Variants in AGPS observed in about 807,000 individuals in gnomAD.
The protein encoded by AGPS is alkyldihydroxyacetonephosphate synthase, peroxisomal.
AGPS carries 26 observed loss-of-function variants against 90.7 expected under a neutral mutation model. That is an observed-to-expected ratio of 0.29 (90% confidence interval 0.21 to 0.40). The LOEUF is 0.40. AGPS is among the 10% of genes least tolerant of loss of function. AGPS has a pLI of 1.00. For missense variants in AGPS, 540 were observed against 816.1 expected, an observed-to-expected ratio of 0.66 and a Z score of 4.12; for synonymous variants, 294 against 285.3, an observed-to-expected ratio of 1.03 and a Z score of -0.31.
intron 17 of AGPS, among the ~76,000 whole-genome samples, chr2:177,514,694 T>G (rs1049090782): frequency 6.6e-6 from 1 of 152,176 alleles, no homozygotes; most frequent in African/African-American, 2.4e-5. Context: ...TCTTGTACTT[T>G]CCTAGTACTA....
chr2:177,426,983 G>C (rs553152755), intron 2 of AGPS, among the ~76,000 whole-genome samples: 6 of 152,198 alleles, frequency 3.9e-5, no homozygotes, highest in East Asian at 3.9e-4. Flanking sequence ...CTGTAAATCT[G>C]TCTGGTCCTG....
At chr2:177,510,928 A>G (rs1015551887) in intron 16 of AGPS, among the ~76,000 whole-genome samples, 4 of 152,164 alleles carry the variant, frequency 2.6e-5, no homozygotes, top group Non-Finnish European at 2.9e-5. Flanking sequence ...GTTTTTGTGT[A>G]TTCCTAAGTG....
At position 177,440,972 on chromosome 2, in the gene AGPS, T is replaced by A; in HGVS notation, c.645T>A (p.His215Gln). The change falls in exon 6 of 20, where the codon CAT becomes CAA. Residue 215 changes from histidine (H) to glutamine (Q), a missense_variant. Coordinates refer to ENST00000264167, the MANE Select transcript of AGPS (RefSeq NM_003659.4). ...IPDIVLWPTCHDDVVKIVNLA... is the reference protein window; with the variant it reads ...IPDIVLWPTCQDDVVKIVNLA... ...TTTCCCTTTTTTCAACAGCATGCCA[T>A]GATGATGTAGTTAAGATTGTGAATC... 1 of 1,612,182 alleles carries A rather than the reference T, an allele frequency of 6.2e-7. No homozygotes were observed. Among genetic ancestry groups the A allele is most frequent in the Non-Finnish European group, 8.5e-7 (1 of 1,178,572 alleles).
At chr2:177,461,768 A>C in intron 8 of AGPS, 125 bp from the exon 9 acceptor site, 1 of 563,328 alleles carries the variant, frequency 1.8e-6, no homozygotes, top group South Asian at 2.8e-5. Flanking sequence ...TTTTTTTGCT[A>C]TGTAGGAATT....
intron 14 of AGPS, among the ~76,000 whole-genome samples, chr2:177,505,151 G>A (rs1414413646): frequency 1.3e-5 from 2 of 152,044 alleles, no homozygotes; most frequent in East Asian, 3.9e-4. Flanking sequence ...TCAGTATTGG[G>A]GAGTTCCTAG....
chr2:177,531,795 CAT>C (rs1037185157), intron 19 of AGPS, among the ~76,000 whole-genome samples: 16 of 151,978 alleles, frequency 1.1e-4, no homozygotes, highest in African/African-American at 3.4e-4. Flanking sequence ...GAGGAGGACA[CAT>C]AGATCAGTGG....
chr2:177,519,447 C>T (rs1271958012), intron 17 of AGPS, among the ~76,000 whole-genome samples: 3 of 152,156 alleles, frequency 2.0e-5, no homozygotes, highest in Non-Finnish European at 4.4e-5. Flanking sequence ...GTTCTCTCAG[C>T]ATTCTTCAAT....
chr2:177,472,850 G>A (rs1230543247), intron 10 of AGPS, among the ~76,000 whole-genome samples: 3 of 151,602 alleles, frequency 2.0e-5, no homozygotes, highest in Admixed American at 6.6e-5. Context: ...ATACTTTTAC[G>A]TGTGTACACG....
intron 1 of AGPS, among the ~76,000 whole-genome samples, chr2:177,416,477 C>T (rs1685786723): frequency 1.3e-5 from 2 of 151,938 alleles, no homozygotes; most frequent in Admixed American, 6.5e-5. Flanking sequence ...TTTTTTTATG[C>T]AGTAAAATCA....
chr2:177,538,310 T>C lies in AGPS; in HGVS notation c.*115T>C. The stretch of plus-strand genomic sequence containing the variant: ...ATTTTGGATACATTTGTTTCTTTGG[T>C]TTAAAATAAGTTTGTTTTCATTCTG... On this transcript the variant is annotated 3_prime_UTR_variant, in exon 20 of 20. Coordinates refer to ENST00000264167, the MANE Select transcript of AGPS (RefSeq NM_003659.4). 8.5e-7 allele frequency: 1 copy of C among 1,182,832 alleles called. No homozygotes were observed. Among genetic ancestry groups the C allele is most frequent in the Non-Finnish European group, 1.2e-6 (1 of 827,448 alleles). The allele number at this position is 1,182,832 out of a possible 1,614,324, so 73.3% of individuals were successfully genotyped here.
chr2:177,431,507 T>C (rs1686243277), intron 2 of AGPS, among the ~76,000 whole-genome samples: 1 of 152,084 alleles, frequency 6.6e-6, no homozygotes, highest in Non-Finnish European at 1.5e-5. Context: ...AGCCAGAGGG[T>C]AATGCAGGAG....
intron 2 of AGPS, among the ~76,000 whole-genome samples, chr2:177,429,917 A>G (rs956640683): frequency 1.3e-5 from 2 of 152,196 alleles, no homozygotes; most frequent in African/African-American, 4.8e-5. Flanking sequence ...CTGCAGAGAC[A>G]TCGGCTGTGT....
intron 13 of AGPS, 27 bp from the exon 14 acceptor site, chr2:177,499,591 T>C: frequency 1.4e-6 from 2 of 1,402,994 alleles, no homozygotes; most frequent in Non-Finnish European, 1.0e-6. Context: ...GACTTATCTG[T>C]AATAATAAAT....
At chr2:177,475,529 G>C (rs1369749343) in intron 10 of AGPS, among the ~76,000 whole-genome samples, 2 of 152,140 alleles carry the variant, frequency 1.3e-5, no homozygotes, top group African/African-American at 4.8e-5. Context: ...AGATTTGCCT[G>C]TTCTGGAAAT....
intron 2 of AGPS, among the ~76,000 whole-genome samples, chr2:177,432,027 G>A (rs554950417): frequency 2.6e-5 from 4 of 152,258 alleles, no homozygotes; most frequent in East Asian, 1.9e-4. Context: ...CCCTCTGTTC[G>A]GGGTCCCTGA....
chr2:177,489,148 G>A (rs1004585349), intron 11 of AGPS, among the ~76,000 whole-genome samples: 7 of 148,868 alleles, frequency 4.7e-5, no homozygotes, highest in South Asian at 2.1e-4. Context: ...GCAGTGGTGC[G>A]ATCTCGGCTC....
chr2:177,539,444 T>C lies in AGPS; in HGVS notation c.*1249T>C, dbSNP rs1455449195. On this transcript the variant is annotated 3_prime_UTR_variant, in exon 20 of 20. Transcript: ENST00000264167. ...GTGAAATGATTACTTTGAATCACTG[T>C]CTGCCAAGGTTCATGATTCACATTT... 6.6e-6 allele frequency: 1 copy of C among 152,064 alleles called. No individual in the cohort carries two copies. 9.4% of individuals were successfully genotyped at this position (152,064 alleles called of 1,614,324 possible). A position where few individuals can be genotyped will look rare whatever the true frequency, so the allele number is the denominator to read the frequency against.
At chr2:177,436,671 A>C in intron 3 of AGPS, 93 bp from the exon 4 acceptor site, 2 of 1,301,478 alleles carry the variant, frequency 1.5e-6, no homozygotes, top group Non-Finnish European at 2.2e-6. Flanking sequence ...AATGTTTAAA[A>C]AAAAGTCTAC....
At chr2:177,499,545 G>A in intron 13 of AGPS, 73 bp from the exon 14 acceptor site, 1 of 1,056,670 alleles carries the variant, frequency 9.5e-7, no homozygotes, top group Non-Finnish European at 1.4e-6. Context: ...AAGGAAAAGA[G>A]CAAAATGTAT....
Sources: allele counts gnomAD v4.1 joint callset (sites outside exome capture counted in the v4.1 genomes callset), GRCh38; gene constraint gnomAD v4.1.1; transcripts MANE v1.5; gene names NCBI Gene and HGNC (gene_info 2026-07-23, HGNC 2026-07-21).